Variants in RCOR1 observed in about 807,000 individuals in gnomAD.
RCOR1 encodes the protein REST corepressor 1.
RCOR1 carries 12 observed loss-of-function variants against 64.0 expected under a neutral mutation model. The observed-to-expected ratio is 0.19, with a 90% CI of 0.12 to 0.30. The LOEUF is 0.30. Ranked by LOEUF, RCOR1 falls within the 10% of genes least tolerant of loss-of-function variation. The pLI is 1.00. For missense variants in RCOR1, 502 were observed against 621.2 expected (o/e 0.81, Z 2.04); for synonymous variants, 279 against 227.2 (o/e 1.23, Z -2.05).
intron 2 of RCOR1, among the ~76,000 whole-genome samples, chr14:102,663,366 A>C (rs1313604197): frequency 6.6e-6 from 1 of 152,218 alleles, no homozygotes; most frequent in Non-Finnish European, 1.5e-5. Flanking sequence ...CAGGTTTTCT[A>C]TGTTCCCTTC....
At chr14:102,720,478 A>G (rs916465600) in intron 8 of RCOR1, among the ~76,000 whole-genome samples, 1 of 152,198 alleles carries the variant, frequency 6.6e-6, no homozygotes, top group Non-Finnish European at 1.5e-5. Context: ...TCTCACTGAC[A>G]TTGTGTTTTC....
intron 2 of RCOR1, among the ~76,000 whole-genome samples, chr14:102,664,783 A>G (rs1595219313): frequency 3.3e-5 from 5 of 152,358 alleles, no homozygotes; most frequent in Admixed American, 3.3e-4. Flanking sequence ...CACTGAAGAT[A>G]CTATGGTCTG....
intron 7 of RCOR1, among the ~76,000 whole-genome samples, chr14:102,713,363 A>G (rs1896000179): frequency 6.8e-6 from 1 of 148,100 alleles, no homozygotes; most frequent in African/African-American, 2.5e-5. Flanking sequence ...GGTTCATGCC[A>G]TTCTCCTGCC....
At chr14:102,639,250 T>C (rs889266072) in intron 2 of RCOR1, among the ~76,000 whole-genome samples, 10 of 143,530 alleles carry the variant, frequency 7.0e-5, no homozygotes, top group Non-Finnish European at 1.4e-4. Context: ...AACTACTCTT[T>C]GTTTTCTTTC....
chr14:102,621,886 A>G (rs913442661), intron 2 of RCOR1, among the ~76,000 whole-genome samples: 1 of 152,092 alleles, frequency 6.6e-6, no homozygotes, highest in Non-Finnish European at 1.5e-5. Context: ...GATGAATGCA[A>G]GGTGGGATGG....
At chr14:102,625,205 T>C (rs1056715255) in intron 2 of RCOR1, among the ~76,000 whole-genome samples, 8 of 150,042 alleles carry the variant, frequency 5.3e-5, no homozygotes, top group African/African-American at 1.7e-4. Flanking sequence ...CAGCAGTCTC[T>C]CTTGCATTCC....
At chr14:102,659,197 C>A (rs1205483913) in intron 2 of RCOR1, 19 of 984,170 alleles carry the variant, frequency 1.9e-5, no homozygotes, top group Non-Finnish European at 2.3e-5. Flanking sequence ...TCCATAAATA[C>A]TTAGATAAAT....
chr14:102,655,252 T>G (rs1894699652), intron 2 of RCOR1: 1 of 985,022 alleles, frequency 1.0e-6, no homozygotes, highest in Non-Finnish European at 1.2e-6. Context: ...TGGCCTTCCA[T>G]TTTCCCTTCC....
chr14:102,600,746 A>G (rs1893376643), intron 2 of RCOR1, among the ~76,000 whole-genome samples: 1 of 150,898 alleles, frequency 6.6e-6, no homozygotes, highest in South Asian at 2.1e-4. Context: ...AATTTTTTGT[A>G]TTTTTAGTAG....
At chr14:102,627,494 T>C (rs932296094) in intron 2 of RCOR1, among the ~76,000 whole-genome samples, 3 of 152,020 alleles carry the variant, frequency 2.0e-5, no homozygotes, top group African/African-American at 7.2e-5. Flanking sequence ...CCATCTCTAC[T>C]AAAAATACAA....
chr14:102,702,780 A>G (rs1379357982), intron 4 of RCOR1, among the ~76,000 whole-genome samples: 1 of 152,204 alleles, frequency 6.6e-6, no homozygotes, highest in East Asian at 1.9e-4. Flanking sequence ...TTACTACATT[A>G]TTAGATTCAG....
intron 2 of RCOR1, among the ~76,000 whole-genome samples, chr14:102,623,901 T>A (rs942999636): frequency 4.0e-5 from 6 of 150,326 alleles, no homozygotes; most frequent in Non-Finnish European, 8.9e-5. Flanking sequence ...CTAAAAAAAA[T>A]ACAAAACATT....
intron 2 of RCOR1, among the ~76,000 whole-genome samples, chr14:102,661,543 T>G (rs975877514): frequency 2.6e-5 from 4 of 152,094 alleles, no homozygotes. Flanking sequence ...TAAGAAAAAT[T>G]TAGTCAACAG....
chr14:102,691,319 G>GGT (rs1895528608), intron 3 of RCOR1, among the ~76,000 whole-genome samples: 1 of 151,942 alleles, frequency 6.6e-6, no homozygotes, highest in African/African-American at 2.4e-5. Context: ...CCTAGGATGG[G>GGT]GAGAGGTGGG....
At position 102,673,873 on chromosome 14, in the gene RCOR1, G is replaced by A. The variant is rs140105690; in HGVS notation, c.362-8022G>A. ...CAGGTGATCCGCCCGCCGCCGCCTCGCCAAGTGCTGGGATTACAGGGGTGA... is the reference window on the plus strand; with the variant it reads ...CAGGTGATCCGCCCGCCGCCGCCTCACCAAGTGCTGGGATTACAGGGGTGA... On this transcript the variant is annotated intron_variant, in intron 2 of 11. Transcript: ENST00000262241. 6.9e-3 allele frequency among the ~76,000 whole-genome samples: 1,040 copies of A among 151,512 alleles called. 8 individuals are homozygous for A. Among genetic ancestry groups the A allele is most frequent in the Non-Finnish European group, 0.01 (698 of 67,794 alleles).
chr14:102,675,141 A>C lies in RCOR1; in HGVS notation c.362-6754A>C, dbSNP rs553184023. Among the ~76,000 whole-genome samples the C allele has an allele frequency of 5.8e-4, 88 of 151,944 alleles. 1 individual carries two copies. Among genetic ancestry groups the C allele is most frequent in the African/African-American group, 2.0e-3 (84 of 41,464 alleles). ...AAATATTAGTATCTACCCAGAAATT[A>C]ATGACATTTCTTTATTTTCATTGTA... On this transcript the variant is annotated intron_variant, in intron 2 of 11. Coordinates refer to ENST00000262241, the MANE Select transcript of RCOR1 (RefSeq NM_015156.4).
intron 7 of RCOR1, among the ~76,000 whole-genome samples, chr14:102,711,806 C>CT (rs1895966060): frequency 6.6e-6 from 1 of 152,090 alleles, no homozygotes; most frequent in African/African-American, 2.4e-5. Flanking sequence ...GGAAATACAG[C>CT]TAACTGAAAG....
At chr14:102,631,328 G>A (rs1039780884) in intron 2 of RCOR1, among the ~76,000 whole-genome samples, 3 of 151,150 alleles carry the variant, frequency 2.0e-5, no homozygotes, top group Non-Finnish European at 4.4e-5. Context: ...TCAGCCTCCC[G>A]AGTAGCTGGG....
intron 2 of RCOR1, among the ~76,000 whole-genome samples, chr14:102,668,139 T>C (rs1389892855): frequency 6.6e-6 from 1 of 152,200 alleles, no homozygotes; most frequent in Non-Finnish European, 1.5e-5. Context: ...TAAAATCTCT[T>C]ATTCATGTGG....
Sources: allele counts gnomAD v4.1 joint callset (sites outside exome capture counted in the v4.1 genomes callset), GRCh38; gene constraint gnomAD v4.1.1; transcripts MANE v1.5; gene names NCBI Gene and HGNC (gene_info 2026-07-23, HGNC 2026-07-21).